Variants in EPHB2 observed in about 807,000 individuals in gnomAD.
The protein encoded by EPHB2 is EPH receptor B2.
A neutral mutation model predicts 96.4 loss-of-function variants in EPHB2; 18 were observed. The ratio of observed to expected loss-of-function variants is 0.19; its 90% CI spans 0.13 to 0.28. EPHB2 has a LOEUF of 0.28. Ranked by LOEUF, EPHB2 falls within the 10% of genes least tolerant of loss-of-function variation. EPHB2 has a pLI of 1.00. For synonymous variants in EPHB2, 506 were observed against 534.1 expected (o/e 0.95, Z 0.72); for missense variants, 989 against 1,355.4 (o/e 0.73, Z 4.25).
chr1:22,803,065 C>T (rs1644868461), intron 3 of EPHB2, among the ~76,000 whole-genome samples: 1 of 152,112 alleles, frequency 6.6e-6, no homozygotes, highest in African/African-American at 2.4e-5. Context: ...GAAGGGCCAC[C>T]AGCACAGAGA....
At chr1:22,722,793 C>A (rs1256579469) in intron 1 of EPHB2, among the ~76,000 whole-genome samples, 1 of 152,198 alleles carries the variant, frequency 6.6e-6, no homozygotes, top group Non-Finnish European at 1.5e-5. Context: ...CCTTGGCCCT[C>A]TTAGCTCTTT....
At chr1:22,845,271 A>T (rs1645525738) in intron 3 of EPHB2, among the ~76,000 whole-genome samples, 2 of 152,192 alleles carry the variant, frequency 1.3e-5, no homozygotes, top group African/African-American at 4.8e-5. Context: ...TACATGATTA[A>T]TCCATATAAC....
chr1:22,893,641 A>C (rs309470), intron 7 of EPHB2, among the ~76,000 whole-genome samples: 2,418 of 152,272 alleles, frequency 0.016, 59 homozygotes, highest in African/African-American at 0.051. Context: ...AGAAATGAGG[A>C]TTCCATTTCT....
chr1:22,884,068 C>G (rs970963222), intron 6 of EPHB2, among the ~76,000 whole-genome samples: 1 of 152,008 alleles, frequency 6.6e-6, no homozygotes. Flanking sequence ...GTCACCTCCG[C>G]CACAAGTGAA....
chr1:22,750,788 C>T (rs1644050370), intron 1 of EPHB2, among the ~76,000 whole-genome samples: 6 of 152,212 alleles, frequency 3.9e-5, no homozygotes, highest in Admixed American at 3.9e-4. Flanking sequence ...ATTTCATCCC[C>T]ATTACGACTT....
At chr1:22,752,087 C>T (rs1449720436) in intron 1 of EPHB2, among the ~76,000 whole-genome samples, 1 of 152,244 alleles carries the variant, frequency 6.6e-6, no homozygotes, top group East Asian at 1.9e-4. Context: ...TCCAGTGAAA[C>T]CATGCAGGGT....
At chr1:22,779,619 A>G (rs1644500636) in intron 1 of EPHB2, among the ~76,000 whole-genome samples, 1 of 152,110 alleles carries the variant, frequency 6.6e-6, no homozygotes, top group Non-Finnish European at 1.5e-5. Flanking sequence ...AGACCATCAA[A>G]CTAATTGTTT....
intron 1 of EPHB2, among the ~76,000 whole-genome samples, chr1:22,742,171 G>T (rs72879181): frequency 2.7e-3 from 409 of 152,232 alleles, no homozygotes; most frequent in African/African-American, 9.2e-3. Flanking sequence ...GAGCCCAGAG[G>T]CTGTGTTGGT....
At position 22,784,534 on chromosome 1, in the gene EPHB2, T is replaced by C; in HGVS notation, c.269T>C (p.Met90Thr). The part of the protein sequence containing the change: ...RRGAHRIHVE[M>T]KFSVRDCSSI... The stretch of plus-strand genomic sequence containing the variant: ...GGCGCCCACCGCATCCACGTGGAGA[T>C]GAAGTTTTCGGTGCGTGACTGCAGC... The change falls in exon 3 of 16, where the codon ATG (methionine) becomes ACG (threonine). Residue 90 changes from methionine to threonine, a missense_variant. Physicochemically the swap from Met to Thr is moderately conservative, Grantham distance 81. Transcript: ENST00000374630. The surrounding 1 kb of genome is among the most constrained non-coding windows in gnomAD (Gnocchi z 5.1). 6.2e-7 allele frequency: 1 copy of C among 1,613,944 alleles called. No homozygotes were observed. Among genetic ancestry groups the C allele is most frequent in the East Asian group, 2.2e-5 (1 of 44,874 alleles).
intron 3 of EPHB2, among the ~76,000 whole-genome samples, chr1:22,848,053 C>T (rs1191709442): frequency 2.6e-5 from 4 of 152,266 alleles, no homozygotes; most frequent in African/African-American, 7.2e-5. Flanking sequence ...GAGCTGGGCA[C>T]AAAGTGATCA....
intron 6 of EPHB2, 81 bp from the exon 7 acceptor site, chr1:22,892,803 C>G: frequency 6.4e-7 from 1 of 1,559,802 alleles, no homozygotes; most frequent in Middle Eastern, 1.7e-4. Context: ...GACCTGCCCC[C>G]AATGTGGCAG....
chr1:22,712,379 G>A (rs1337664424), intron 1 of EPHB2, among the ~76,000 whole-genome samples: 7 of 152,186 alleles, frequency 4.6e-5, no homozygotes, highest in Non-Finnish European at 1.0e-4. Flanking sequence ...TGCTCCCTTG[G>A]GCTTAGGGAT....
At chr1:22,810,202 A>T (rs554160109) in intron 3 of EPHB2, among the ~76,000 whole-genome samples, 2 of 152,096 alleles carry the variant, frequency 1.3e-5, no homozygotes, top group Admixed American at 1.3e-4. Flanking sequence ...CCAAGAAGAG[A>T]CACAGGAGAT....
Position 22,752,587 on chromosome 1 carries a change from A to T in EPHB2, c.62-28834A>T, listed in dbSNP as rs562551559. 1.7e-3 allele frequency among the ~76,000 whole-genome samples: 252 copies of T among 151,268 alleles called. 1 individual carries two copies. Among genetic ancestry groups the T allele is most frequent in the Non-Finnish European group, 2.8e-3 (189 of 67,818 alleles). ...TATAAAATTACCACGTAGTCAGGAC[A>T]TACAAGGGAATTAAAACCTGCTTTT... On this transcript the variant is annotated intron_variant, in intron 1 of 15. Transcript: ENST00000374630.
rs141370365 is a variant in EPHB2 at position 22,904,390 on chromosome 1, C to T, written c.1766-1597C>T. On this transcript the variant is annotated intron_variant, in intron 9 of 15. Coordinates refer to ENST00000374630, the MANE Select transcript of EPHB2 (RefSeq NM_017449.5). ...TTTTTGACAATATTTATTTCCATAACTTTTGGACTTTAGAAGCAGCATGAA... is the reference window on the plus strand; with the variant it reads ...TTTTTGACAATATTTATTTCCATAATTTTTGGACTTTAGAAGCAGCATGAA... 2.3e-3 allele frequency among the ~76,000 whole-genome samples: 355 copies of T among 151,844 alleles called. 3 individuals carry two copies. The highest frequency in any genetic ancestry group is 7.8e-3 in the African/African-American group (324 of 41,376).
intron 1 of EPHB2, among the ~76,000 whole-genome samples, chr1:22,759,662 C>T (rs778087797): frequency 3.3e-5 from 5 of 152,276 alleles, no homozygotes; most frequent in Non-Finnish European, 7.4e-5. Context: ...CTCTGCCCAG[C>T]CACCTCCCTC....
chr1:22,903,704 G>A (rs192295478), intron 9 of EPHB2, among the ~76,000 whole-genome samples: 267 of 152,324 alleles, frequency 1.8e-3, no homozygotes, highest in Middle Eastern at 3.4e-3. Flanking sequence ...GCATGGTGTT[G>A]GGCACAAAGG....
At chr1:22,763,679 T>C (rs1644266836) in intron 1 of EPHB2, among the ~76,000 whole-genome samples, 1 of 152,168 alleles carries the variant, frequency 6.6e-6, no homozygotes, top group Non-Finnish European at 1.5e-5. Context: ...TAGTTTCTTG[T>C]TGCTGCTATG....
intron 3 of EPHB2, among the ~76,000 whole-genome samples, chr1:22,845,223 C>T (rs949186288): frequency 4.6e-5 from 7 of 152,166 alleles, no homozygotes; most frequent in Admixed American, 2.6e-4. Context: ...GTGCCTGTAT[C>T]CCTTGTAAGT....
Sources: allele counts gnomAD v4.1 joint callset (sites outside exome capture counted in the v4.1 genomes callset), GRCh38; gene constraint gnomAD v4.1.1; non-coding constraint Gnocchi (gnomAD v3.1); transcripts MANE v1.5; gene names NCBI Gene and HGNC (gene_info 2026-07-23, HGNC 2026-07-21).